HSP90AA1: variants seen among roughly 807,000 people sequenced by gnomAD.
HSP90AA1 encodes the protein heat shock protein HSP 90-alpha.
Under a neutral mutation model 73.3 loss-of-function variants are expected in HSP90AA1, and 18 were observed. That is an observed-to-expected ratio of 0.25 (90% CI 0.17 to 0.36). The LOEUF (loss-of-function observed/expected upper bound fraction) is 0.36. HSP90AA1 is among the 10% of genes least tolerant of loss of function. The pLI, the probability that HSP90AA1 is intolerant of heterozygous loss-of-function variation, is 1.00. For synonymous variants in HSP90AA1, 477 were observed against 296.9 expected (o/e 1.61, Z -6.24); for missense variants, 704 against 874.2 (o/e 0.81, Z 2.45).
intron 1 of HSP90AA1, among the ~76,000 whole-genome samples, chr14:102,102,528 A>G (rs2049507567): frequency 6.6e-6 from 1 of 152,230 alleles, no homozygotes; most frequent in South Asian, 2.1e-4. Flanking sequence ...GGGAAAATTG[A>G]ATCCAGGGGA....
intron 1 of HSP90AA1, among the ~76,000 whole-genome samples, chr14:102,105,046 A>T: frequency 6.6e-6 from 1 of 150,892 alleles, no homozygotes; most frequent in Non-Finnish European, 1.5e-5. Context: ...AAAAAAAAAA[A>T]AAAAAAAAAA....
At chr14:102,114,967 T>C (rs1327368124) in intron 1 of HSP90AA1, among the ~76,000 whole-genome samples, 3 of 152,018 alleles carry the variant, frequency 2.0e-5, no homozygotes, top group Non-Finnish European at 4.4e-5. Flanking sequence ...ACCCCGTCTC[T>C]ACTAAAAATA....
At chr14:102,113,004 G>A (rs569568637) in intron 1 of HSP90AA1, among the ~76,000 whole-genome samples, 1 of 151,980 alleles carries the variant, frequency 6.6e-6, no homozygotes, top group South Asian at 2.1e-4. Flanking sequence ...GTTCATTTGT[G>A]TCATTTGTTT....
At chr14:102,089,711 C>T (rs1342787553), upstream of HSP90AA1, among the ~76,000 whole-genome samples, 1 of 152,150 alleles carries the variant, frequency 6.6e-6, no homozygotes, top group East Asian at 1.9e-4. Flanking sequence ...CTGTCTCCAG[C>T]CCTCTTTGAG....
intron 1 of HSP90AA1, among the ~76,000 whole-genome samples, chr14:102,109,934 GTTATT>G (rs939588336): frequency 2.0e-5 from 3 of 151,966 alleles, no homozygotes; most frequent in African/African-American, 4.8e-5. Flanking sequence ...AAGGTGACTC[GTTATT>G]TTATTTTTTT....
At chr14:102,113,635 C>A (rs2049669967) in intron 1 of HSP90AA1, among the ~76,000 whole-genome samples, 1 of 152,142 alleles carries the variant, frequency 6.6e-6, no homozygotes, top group African/African-American at 2.4e-5. Flanking sequence ...CCTGCTTTGG[C>A]CTCCCAGAGT....
intron 1 of HSP90AA1, among the ~76,000 whole-genome samples, chr14:102,113,623 T>TG (rs2049669883): frequency 6.6e-6 from 1 of 152,044 alleles, no homozygotes; most frequent in Non-Finnish European, 1.5e-5. Flanking sequence ...TCAAGTGATC[T>TG]GCCTGCTTTG....
At chr14:102,090,553 C>A (rs1197797149), upstream of HSP90AA1, among the ~76,000 whole-genome samples, 1 of 152,036 alleles carries the variant, frequency 6.6e-6, no homozygotes, top group African/African-American at 2.4e-5. Flanking sequence ...GGGTTCACGC[C>A]ATTCTCCTAC....
chr14:102,085,021 A>G (rs1246148287), intron 4 of HSP90AA1, 23 bp from the exon 5 acceptor site: 1 of 1,613,934 alleles, frequency 6.2e-7, no homozygotes, highest in South Asian at 1.1e-5. Context: ...ACACGAAATC[A>G]CATCACTGCT....
At chr14:102,114,625 A>C (rs1348865735) in intron 1 of HSP90AA1, among the ~76,000 whole-genome samples, 1 of 152,190 alleles carries the variant, frequency 6.6e-6, no homozygotes, top group East Asian at 1.9e-4. Flanking sequence ...TTATTCCAGC[A>C]TTCAGTAATC....
At chr14:102,100,147 C>T (rs983309610) in intron 2 of HSP90AA1, among the ~76,000 whole-genome samples, 1 of 152,090 alleles carries the variant, frequency 6.6e-6, no homozygotes, top group Non-Finnish European at 1.5e-5. Context: ...GAGATTGTGC[C>T]ACGGCACTCC....
chr14:102,081,979 A>T, intron 10 of HSP90AA1, 132 bp downstream of exon 10: 1 of 791,828 alleles, frequency 1.3e-6, no homozygotes, highest in Non-Finnish European at 2.2e-6. Flanking sequence ...ATCCCTAAAA[A>T]AAACATACTT....
At chr14:102,096,885 A>G (rs2049432094) in intron 2 of HSP90AA1, among the ~76,000 whole-genome samples, 2 of 152,126 alleles carry the variant, frequency 1.3e-5, no homozygotes, top group African/African-American at 4.8e-5. Context: ...GAATTATGTG[A>G]CCTCCAGTAT....
At chr14:102,086,503 A>C in intron 1 of HSP90AA1, 125 bp from the exon 2 acceptor site, 1 of 1,064,594 alleles carries the variant, frequency 9.4e-7, no homozygotes, top group Non-Finnish European at 1.5e-6. Context: ...AGTAAACCGA[A>C]AATAGAAGGG....
In HSP90AA1 at chr14:102,082,311, G is replaced by C; in HGVS notation, c.1889C>G (p.Ala630Gly). The C allele has an allele frequency of 1.2e-6, 2 of 1,613,876 alleles. No homozygotes were observed. The highest frequency in any genetic ancestry group is 8.5e-7 in the Non-Finnish European group (1 of 1,179,800). Residue 630 changes from alanine to glycine, a missense_variant, in exon 10 of 11, where the codon GCA becomes GGA. Transcript: ENST00000216281. ...AGGGTTTATCTCCAGGTGTTTCTTTGCTGCCATGTAACCCATTGTTGAGTT... is the reference window on the plus strand; with the variant it reads ...AGGGTTTATCTCCAGGTGTTTCTTTCCTGCCATGTAACCCATTGTTGAGTT... ...RDNSTMGYMAAKKHLEINPDH... is the reference protein window; with the variant it reads ...RDNSTMGYMAGKKHLEINPDH...
At chr14:102,101,258 A>G (rs996446699) in intron 2 of HSP90AA1, among the ~76,000 whole-genome samples, 2 of 152,182 alleles carry the variant, frequency 1.3e-5, no homozygotes, top group African/African-American at 4.8e-5. Context: ...TGTTCCACCC[A>G]CTGTGTCTAA....
At position 102,083,880 on chromosome 14, in the gene HSP90AA1, G is replaced by A. The variant is rs766276800; in HGVS notation, c.1251C>T (p.Val417=). ...KILKVIRKNL[V]KKCLELFTEL... ...CAGTAAAGAGTTCTAAGCATTTTTT[G>A]ACCAAATTCTTCCTGATAACTTTCA... Residue 417 remains valine (V), a synonymous_variant, in exon 7 of 11, where the codon GTC becomes GTT. Transcript: ENST00000216281. 1.2e-6 allele frequency: 2 copies of A among 1,613,338 alleles called. No homozygotes were observed. The highest frequency in any genetic ancestry group is 1.7e-6 in the Non-Finnish European group (2 of 1,179,720).
At chr14:102,087,268 G>C, upstream of HSP90AA1, 1 of 574,124 alleles carries the variant, frequency 1.7e-6, no homozygotes, top group Non-Finnish European at 2.2e-6. Context: ...CTCAATCGCC[G>C]CCGCGCGCCT....
chr14:102,119,069 G>T (rs1481004440), intron 1 of HSP90AA1, among the ~76,000 whole-genome samples: 2 of 151,976 alleles, frequency 1.3e-5, no homozygotes, highest in Non-Finnish European at 2.9e-5. Flanking sequence ...TGCCCATGCT[G>T]GTTTCAAACT....
Sources: gnomAD v4.1 joint callset for allele counts (sites outside exome capture counted in the v4.1 genomes callset) on GRCh38, gnomAD v4.1.1 for gene constraint, MANE v1.5 for transcripts, NCBI Gene and HGNC (gene_info 2026-07-23, HGNC 2026-07-21) for gene names.